Variants in ZNF426 observed in about 807,000 individuals in gnomAD.
The protein encoded by ZNF426 is zinc finger protein 426, also known as CTC-543D15.7.
In ZNF426, 23 loss-of-function variants were observed where a neutral mutation model predicts 24.0. That is an observed-to-expected ratio of 0.96 (90% CI 0.69 to 1.36). ZNF426 has a LOEUF of 1.36. Among genes scored for constraint, ZNF426 ranks in the 40% most tolerant of loss-of-function variants. The pLI, the probability that ZNF426 is intolerant of heterozygous loss-of-function variation, is 0.00. For synonymous variants in ZNF426, 272 were observed against 224.6 expected (o/e 1.21, Z -1.89); for missense variants, 646 against 658.4 (o/e 0.98, Z 0.21).
intron 2 of ZNF426, among the ~76,000 whole-genome samples, chr19:9,537,005 C>T (rs1223403142): frequency 6.6e-6 from 1 of 151,932 alleles, no homozygotes; most frequent in African/African-American, 2.4e-5. Flanking sequence ...TGGTGTGCGG[C>T]TGTAATCCCA....
intron 4 of ZNF426, among the ~76,000 whole-genome samples, chr19:9,534,672 G>A (rs550827126): frequency 6.6e-6 from 1 of 152,052 alleles, no homozygotes; most frequent in East Asian, 1.9e-4. Context: ...ACAGCTCACT[G>A]CAGCCTCAAC....
Position 9,528,918 on chromosome 19 carries a change from GA to G in ZNF426, c.1126del (p.Ser376ProfsTer8). 1 of 1,613,960 alleles carries G rather than the reference GA, an allele frequency of 6.2e-7. No homozygotes were observed. Among genetic ancestry groups the G allele is most frequent in the African/African-American group, 1.3e-5 (1 of 75,040 alleles). On this transcript the variant is annotated frameshift_variant, in exon 8 of 8. Coordinates refer to ENST00000253115, the MANE Select transcript of ZNF426 (RefSeq NM_024106.3). LOFTEE classifies it low-confidence loss of function (END_TRUNC). ...CKECGKSFLT[S>X]SRLIQHIRTH... The stretch of plus-strand genomic sequence containing the variant: ...TCTTATATGTTGAATAAGGCGTGAG[GA>G]TGTAAGGAAGGATTTCCCACATTCC...
At chr19:9,537,451 CTTTTTT>C (rs199870394) in intron 2 of ZNF426, among the ~76,000 whole-genome samples, 71 of 137,852 alleles carry the variant, frequency 5.2e-4, no homozygotes, top group Middle Eastern at 7.2e-3. Flanking sequence ...ATATTTAACT[CTTTTTT>C]TTTTTTTTTT....
Position 9,529,543 on chromosome 19 carries a change from G to A in ZNF426, c.502C>T (p.Gln168Ter). 1.2e-6 allele frequency: 2 copies of A among 1,611,476 alleles called. No homozygotes were observed. ...CAGTCATGAGTGTTCCCTGTACTTT[G>A]AGTTCTCACGTGCGTCTTAAGGCAT... ...HSCLKTHVRT[Q>*]STGNTHDCNQ... Residue 168 changes from glutamine (Q) to a stop codon, truncating the protein, a stop_gained, in exon 8 of 8, where the codon CAA becomes TAA. Transcript: ENST00000253115. LOFTEE classifies it low-confidence loss of function (END_TRUNC).
intron 3 of ZNF426, 132 bp downstream of exon 3, chr19:9,536,076 A>T (rs1379804634): frequency 2.7e-6 from 3 of 1,102,310 alleles, no homozygotes; most frequent in Admixed American, 4.2e-5. Flanking sequence ...GACTCACAAG[A>T]CAGCACGTTC....
At chr19:9,535,077 CAAAAAAAAAAA>C in intron 4 of ZNF426, 100 bp downstream of exon 4, 1 of 386,488 alleles carries the variant, frequency 2.6e-6, no homozygotes, top group East Asian at 6.0e-5. Context: ...GACTCCCTCT[CAAAAAAAAAAA>C]AAAAAAAAGA....
chr19:9,531,536 G>A (rs2073883740), intron 6 of ZNF426, among the ~76,000 whole-genome samples: 1 of 152,186 alleles, frequency 6.6e-6, no homozygotes, highest in Non-Finnish European at 1.5e-5. Context: ...TGATGTAAAT[G>A]ATCCAAAGGG....
chr19:9,532,559 T>C (rs1290629446), intron 6 of ZNF426, among the ~76,000 whole-genome samples: 2 of 152,020 alleles, frequency 1.3e-5, no homozygotes, highest in African/African-American at 4.8e-5. Context: ...GGCCTCCCAA[T>C]GTGTGGGGAT....
chr19:9,533,871 C>A lies in ZNF426; in HGVS notation c.213G>T (p.Met71Ile). 4 of 1,614,172 alleles carry A rather than the reference C, an allele frequency of 2.5e-6. No homozygotes were observed. Among genetic ancestry groups the A allele is most frequent in the Non-Finnish European group, 3.4e-6 (4 of 1,180,008 alleles). ...TGGCCAGGTTCTTGTAGTTCTCCAG[C>A]ATCACGTCACTGTAGAGGCTTCTCT... Reference protein sequence around the residue: ...STQRSLYSDVMLENYKNLATV... With the variant: ...STQRSLYSDVILENYKNLATV... The change falls in exon 5 of 8, where the codon ATG becomes ATT. Residue 71 changes from methionine to isoleucine, a missense_variant. Transcript: ENST00000253115.
At chr19:9,536,761 A>G (rs1568488385) in intron 2 of ZNF426, among the ~76,000 whole-genome samples, 1 of 152,170 alleles carries the variant, frequency 6.6e-6, no homozygotes, top group African/African-American at 2.4e-5. Context: ...CTCTGTGCCT[A>G]ACACTGGTCT....
rs906049616 is a variant in ZNF426 at position 9,525,921 on chromosome 19, C to T, written c.*2459G>A. The T allele has an allele frequency of 2.0e-5, 3 of 152,088 alleles. No homozygotes were observed. Among genetic ancestry groups the T allele is most frequent in the African/African-American group, 7.3e-5 (3 of 41,378 alleles). The allele number at this position is 152,088 out of a possible 1,614,324, so 9.4% of individuals were successfully genotyped here. A position where few individuals can be genotyped will look rare whatever the true frequency, so the allele number is the denominator to read the frequency against. ...TTCAGGCTGGTCATGAACTCCCAACCTCAGGTGATCCACCTGCCTTGGCCT... is the reference window on the plus strand; with the variant it reads ...TTCAGGCTGGTCATGAACTCCCAACTTCAGGTGATCCACCTGCCTTGGCCT... On this transcript the variant is annotated 3_prime_UTR_variant, in exon 8 of 8. Transcript: ENST00000253115.
Position 9,529,557 on chromosome 19 carries a change from G to A in ZNF426, c.488C>T (p.Thr163Met), listed in dbSNP as rs760169066. The change falls in exon 8 of 8, where the codon ACG becomes ATG. Residue 163 changes from threonine (T) to methionine (M), a missense_variant. Physicochemically the swap from Thr to Met is moderately conservative, Grantham distance 81. Coordinates refer to ENST00000253115, the MANE Select transcript of ZNF426 (RefSeq NM_024106.3). ...CCCTGTACTTTGAGTTCTCACGTGC[G>A]TCTTAAGGCATGAGTGTTCACTGAA... ...EVFSEHSCLK[T>M]HVRTQSTGNT... 26 of 1,609,838 alleles carry A rather than the reference G, an allele frequency of 1.6e-5. No individual in the cohort carries two copies. Among genetic ancestry groups the A allele is most frequent in the South Asian group, 6.6e-5 (6 of 91,082 alleles).
At chr19:9,535,089 A>AG (rs1290813765) in intron 4 of ZNF426, 99 bp downstream of exon 4, 1 of 950,324 alleles carries the variant, frequency 1.1e-6, no homozygotes, top group East Asian at 2.8e-5. Context: ...AAAAAAAAAA[A>AG]AAAAAAAGAA....
rs202170723 is a variant in ZNF426, at chr19:9,532,281, T to TC, written c.325+563_325+564insG. Among the ~76,000 whole-genome samples the TC allele has an allele frequency of 2.1e-4, 31 of 144,484 alleles. 1 individual carries two copies. Among genetic ancestry groups the TC allele is most frequent in the Admixed American group, 4.8e-4 (7 of 14,524 alleles). The allele number at this position is 144,484 out of a possible 152,430, so 94.8% of individuals were successfully genotyped here. On this transcript the variant is annotated intron_variant, in intron 6 of 7. Transcript: ENST00000253115. ...TTCTGGAAATTTTTCTTTTTTTCTT[T>TC]TTTTTTTTTTTTTTTTTGTGGGGTG... is the stretch of plus-strand genomic sequence containing the variant.
rs1340451745 is a variant in ZNF426 at position 9,527,897 on chromosome 19, T to C, written c.*483A>G. 1 of 153,312 alleles carries C rather than the reference T, an allele frequency of 6.5e-6. No individual in the cohort carries two copies. The highest frequency in any genetic ancestry group is 1.5e-5 in the Non-Finnish European group (1 of 68,842). 9.5% of individuals were successfully genotyped at this position (153,312 alleles called of 1,614,324 possible). On this transcript the variant is annotated 3_prime_UTR_variant, in exon 8 of 8. Transcript: ENST00000253115. ...ATGACTTCACATCATCTTCTATTTG[T>C]TGTCTCAGTTGTGTCTTTCTCTTCT... is the stretch of plus-strand genomic sequence containing the variant.
At chr19:9,534,640 G>C (rs1221368359) in intron 4 of ZNF426, among the ~76,000 whole-genome samples, 1 of 151,840 alleles carries the variant, frequency 6.6e-6, no homozygotes, top group Admixed American at 6.6e-5. Flanking sequence ...TGTTGCCCAG[G>C]CTAGAGTGCA....
At chr19:9,530,431 G>C (rs939941069) in intron 7 of ZNF426, among the ~76,000 whole-genome samples, 1 of 151,694 alleles carries the variant, frequency 6.6e-6, no homozygotes, top group Admixed American at 6.6e-5. Context: ...TCCAGCCTGG[G>C]TGACACAGCA....
intron 6 of ZNF426, 21 bp from the exon 7 acceptor site, chr19:9,531,088 A>T: frequency 6.2e-7 from 1 of 1,600,998 alleles, no homozygotes; most frequent in Non-Finnish European, 8.6e-7. Context: ...ACAGACAAAC[A>T]AATAAAAGGA....
Position 9,528,638 on chromosome 19 carries a change from G to A in ZNF426, c.1407C>T (p.Ile469=). 1 of 1,613,896 alleles carries A rather than the reference G, an allele frequency of 6.2e-7. No homozygotes were observed. The highest frequency in any genetic ancestry group is 8.5e-7 in the Non-Finnish European group (1 of 1,179,978). ...YSTHLKIHMR[I]HTGEKPYECK... The stretch of plus-strand genomic sequence containing the variant: ...ACTCATAGGGTTTTTCTCCAGTGTG[G>A]ATTCGCATGTGAATTTTAAGGTGGG... The change falls in exon 8 of 8, where the codon ATC becomes ATT. Residue 469 remains isoleucine, a synonymous_variant. Transcript: ENST00000253115.
Sources: allele counts gnomAD v4.1 joint callset (sites outside exome capture counted in the v4.1 genomes callset), GRCh38; gene constraint gnomAD v4.1.1; transcripts MANE v1.5; gene names NCBI Gene and HGNC (gene_info 2026-07-23, HGNC 2026-07-21).